Variants in CENPQ observed in about 807,000 individuals in gnomAD.
CENPQ encodes centromere protein Q.
Under a neutral mutation model 36.6 loss-of-function variants are expected in CENPQ, and 27 were observed. The ratio of observed to expected loss-of-function variants is 0.74; its 90% CI spans 0.54 to 1.02. The LOEUF (loss-of-function observed/expected upper bound fraction) is 1.02. Ranked by LOEUF, CENPQ falls within the 50% of genes least tolerant of loss-of-function variation. The pLI is 0.00. For missense variants in CENPQ, 306 were observed against 301.8 expected (o/e 1.01, Z -0.10); for synonymous variants, 101 against 101.7 (o/e 0.99, Z 0.04).
chr6:49,485,420 C>A (rs1044949343), intron 6 of CENPQ, among the ~76,000 whole-genome samples: 2 of 151,906 alleles, frequency 1.3e-5, no homozygotes, highest in African/African-American at 4.8e-5. Flanking sequence ...AAAAATGGAG[C>A]CATAGGATTT....
At chr6:49,470,912 G>C in intron 2 of CENPQ, 62 bp from the exon 3 acceptor site, 3 of 927,716 alleles carry the variant, frequency 3.2e-6, no homozygotes, top group Non-Finnish European at 4.6e-6. Context: ...TATTGTAAAA[G>C]CAGGATCCTT....
intron 8 of CENPQ, among the ~76,000 whole-genome samples, chr6:49,489,086 A>G (rs1186704693): frequency 6.6e-6 from 1 of 152,208 alleles, no homozygotes; most frequent in African/African-American, 2.4e-5. Context: ...GAAATTTGCC[A>G]CATCAGTTGA....
intron 8 of CENPQ, among the ~76,000 whole-genome samples, chr6:49,489,952 A>G (rs2448702): frequency 0.66 from 100,374 of 152,100 alleles, 33,487 homozygotes; most frequent in East Asian, 0.84. Flanking sequence ...CACAGACAAC[A>G]CAGATGTAGT....
intron 6 of CENPQ, among the ~76,000 whole-genome samples, chr6:49,482,268 C>T (rs1354723862): frequency 1.3e-5 from 2 of 152,184 alleles, no homozygotes; most frequent in Non-Finnish European, 2.9e-5. Context: ...AAAGGGGCTC[C>T]CACAGTGCAG....
At chr6:49,485,210 C>T (rs1183810500) in intron 6 of CENPQ, among the ~76,000 whole-genome samples, 1 of 152,178 alleles carries the variant, frequency 6.6e-6, no homozygotes, top group Non-Finnish European at 1.5e-5. Context: ...TTTCTCACTG[C>T]AGCCTAGAGT....
chr6:49,475,416 A>G (rs1217925001), intron 5 of CENPQ, among the ~76,000 whole-genome samples: 1 of 152,210 alleles, frequency 6.6e-6, no homozygotes, highest in Non-Finnish European at 1.5e-5. Context: ...TATTGAGGGG[A>G]TGTATCTGAA....
chr6:49,485,667 AAG>A (rs1263310377), intron 6 of CENPQ, among the ~76,000 whole-genome samples: 3 of 152,174 alleles, frequency 2.0e-5, no homozygotes, highest in Non-Finnish European at 4.4e-5. Context: ...TGAGACATAA[AAG>A]AGAAAACCTT....
chr6:49,480,549 G>A (rs966062023), intron 5 of CENPQ, among the ~76,000 whole-genome samples: 1 of 151,912 alleles, frequency 6.6e-6, no homozygotes, highest in African/African-American at 2.4e-5. Context: ...TGGGGTCCAG[G>A]GTCATAGTTA....
intron 1 of CENPQ, among the ~76,000 whole-genome samples, chr6:49,468,861 T>C (rs1313704137): frequency 6.6e-6 from 1 of 152,198 alleles, no homozygotes; most frequent in Non-Finnish European, 1.5e-5. Context: ...CTTGAACTAT[T>C]GTACATGTCA....
intron 8 of CENPQ, among the ~76,000 whole-genome samples, chr6:49,491,892 G>A (rs1040934540): frequency 2.6e-5 from 4 of 152,120 alleles, no homozygotes; most frequent in Non-Finnish European, 5.9e-5. Flanking sequence ...TCCAGCCTGG[G>A]CAAGAAGAGC....
Position 49,492,835 on chromosome 6 carries a change from T to C in CENPQ, c.*560T>C, listed in dbSNP as rs889177771. ...GGAGGTAGTATCAAAATTTTACTTC[T>C]TTGGTTGTTTAGTGAATTAATGTTG... On this transcript the variant is annotated 3_prime_UTR_variant, in exon 9 of 9. Transcript: ENST00000335783. 3 of 152,570 alleles carry C rather than the reference T, an allele frequency of 2.0e-5. No individual in the cohort carries two copies. The highest frequency in any genetic ancestry group is 4.4e-5 in the Non-Finnish European group (3 of 68,048). 9.5% of individuals were successfully genotyped at this position (152,570 alleles called of 1,614,324 possible). A position where few individuals can be genotyped will look rare whatever the true frequency, so the allele number is the denominator to read the frequency against.
chr6:49,485,246 C>T (rs2127427480), intron 6 of CENPQ, among the ~76,000 whole-genome samples: 1 of 152,284 alleles, frequency 6.6e-6, no homozygotes. Context: ...TCTTCCAAAA[C>T]CTGTAATAGT....
At chr6:49,475,553 A>G (rs896833484) in intron 5 of CENPQ, among the ~76,000 whole-genome samples, 2 of 152,200 alleles carry the variant, frequency 1.3e-5, no homozygotes, top group African/African-American at 4.8e-5. Context: ...TATTCAACAT[A>G]GTGTTGGAAG....
chr6:49,477,873 A>G (rs1016350038), intron 5 of CENPQ, among the ~76,000 whole-genome samples: 14 of 152,368 alleles, frequency 9.2e-5, no homozygotes, highest in African/African-American at 3.1e-4. Context: ...ATACAAGTAT[A>G]ATGAAAATGT....
chr6:49,464,860 A>G (rs1767960177), intron 1 of CENPQ, among the ~76,000 whole-genome samples: 2 of 152,212 alleles, frequency 1.3e-5, no homozygotes, highest in Admixed American at 1.3e-4. Context: ...AAAGTCATCC[A>G]TGAGGGTTGG....
At position 49,481,096 on chromosome 6, in the gene CENPQ, A is replaced by G; in HGVS notation, c.477+16A>G. ...ATTACTACAGGTATGAAATTTGAAT[A>G]GGGAATCCATAATTAGAGAGTTAGG... On this transcript the variant is annotated intron_variant, in intron 6 of 8. Transcript: ENST00000335783. 1 of 1,578,388 alleles carries G rather than the reference A, an allele frequency of 6.3e-7. No individual in the cohort carries two copies. The highest frequency in any genetic ancestry group is 1.2e-5 in the South Asian group (1 of 83,742).
intron 6 of CENPQ, among the ~76,000 whole-genome samples, chr6:49,488,094 C>T (rs77606012): frequency 6.6e-6 from 1 of 152,144 alleles, no homozygotes; most frequent in Non-Finnish European, 1.5e-5. Context: ...AGCATTGGTA[C>T]GTTTTGAGGA....
At chr6:49,488,265 T>A (rs547679783) in intron 6 of CENPQ, 87 bp from the exon 7 acceptor site, 7 of 1,020,640 alleles carry the variant, frequency 6.9e-6, no homozygotes, top group African/African-American at 1.7e-5. Flanking sequence ...GGTGTTTTTT[T>A]AAAATGTGTA....
Position 49,492,260 on chromosome 6 carries a change from A to G in CENPQ, c.792A>G (p.Lys264=). 6.3e-7 allele frequency: 1 copy of G among 1,589,898 alleles called. No individual in the cohort carries two copies. The highest frequency in any genetic ancestry group is 8.5e-7 in the Non-Finnish European group (1 of 1,172,352). ...CCTTCATTGAAGAAGCCTATAAGAA[A>G]CTGGATGCATCTTAAAGAGTGTTTT... The part of the protein sequence containing the change: ...MSTFIEEAYK[K]LDAS Residue 264 remains lysine, a synonymous_variant, in exon 9 of 9, where the codon AAA becomes AAG. Transcript: ENST00000335783.
Sources: allele counts gnomAD v4.1 joint callset (sites outside exome capture counted in the v4.1 genomes callset), GRCh38; gene constraint gnomAD v4.1.1; transcripts MANE v1.5; gene names NCBI Gene and HGNC (gene_info 2026-07-23, HGNC 2026-07-21).